SCN10A: variants seen among roughly 807,000 people sequenced by gnomAD.
SCN10A encodes sodium voltage-gated channel alpha subunit 10, also known as sodium channel protein type 10 subunit alpha.
In SCN10A, 162 loss-of-function variants were observed where a neutral mutation model predicts 170.7. That is an observed-to-expected ratio of 0.95 (90% CI 0.84 to 1.08). The LOEUF is 1.08. Ranked by LOEUF, SCN10A falls within the 50% of genes least tolerant of loss-of-function variation. The pLI, the probability that SCN10A is intolerant of heterozygous loss-of-function variation, is 0.00. For missense variants in SCN10A, 2,527 were observed against 2,436.9 expected (o/e 1.04, Z -0.78); for synonymous variants, 985 against 904.6 (o/e 1.09, Z -1.59).
chr3:38,707,571 G>A (rs1223444819), intron 25 of SCN10A, among the ~76,000 whole-genome samples, 188 bp from the exon 26 acceptor site: 1 of 152,158 alleles, frequency 6.6e-6, no homozygotes, highest in Admixed American at 6.5e-5. Flanking sequence ...TTCCATTGCT[G>A]ACTCCCTGCC....
At chr3:38,767,457 A>G (rs750822746) in intron 5 of SCN10A, among the ~76,000 whole-genome samples, 7 of 152,002 alleles carry the variant, frequency 4.6e-5, no homozygotes, top group Non-Finnish European at 1.0e-4. Flanking sequence ...CATTCAGTTC[A>G]AAAAATTTTT....
At chr3:38,720,539 AT>A (rs1470854730) in intron 20 of SCN10A, among the ~76,000 whole-genome samples, 1 of 152,028 alleles carries the variant, frequency 6.6e-6, no homozygotes, top group Non-Finnish European at 1.5e-5. Flanking sequence ...AATGCATGTT[AT>A]TTTTAAAAGG....
intron 11 of SCN10A, among the ~76,000 whole-genome samples, chr3:38,755,289 G>GA (rs766168331): frequency 2.3e-4 from 34 of 147,138 alleles, no homozygotes; most frequent in South Asian, 4.3e-4. Context: ...CGACGCATCA[G>GA]AAAAAAAAAA....
chr3:38,727,252 T>C (rs1403261722), intron 16 of SCN10A, among the ~76,000 whole-genome samples, 200 bp from the exon 17 acceptor site: 2 of 152,170 alleles, frequency 1.3e-5, no homozygotes, highest in Non-Finnish European at 2.9e-5. Flanking sequence ...GTGACCCGCC[T>C]CAGTGGACGA....
rs1440527140 is a variant in SCN10A, at chr3:38,793,828, G to T, written c.183C>A (p.Asn61Lys). ...GCTCACCATAGAACTTGGGCAGCTG[G>T]TTGCAGGCTTTCAAGTCCAGCTGGG... ...PRPQLDLKAC[N>K]QLPKFYGELP... is the part of the protein sequence containing the mutation. The change falls in exon 2 of 28, where the codon AAC (asparagine) becomes AAA (lysine). Residue 61 changes from asparagine to lysine, a missense_variant. Transcript: ENST00000449082. The T allele has an allele frequency of 6.2e-7, 1 of 1,614,018 alleles. No homozygotes were observed. The highest frequency in any genetic ancestry group is 1.7e-5 in the Admixed American group (1 of 59,996).
At chr3:38,701,430 C>T (rs2063154885) in intron 27 of SCN10A, among the ~76,000 whole-genome samples, 1 of 152,212 alleles carries the variant, frequency 6.6e-6, no homozygotes, top group Non-Finnish European at 1.5e-5. Context: ...ATCTCCTTTT[C>T]CAGAACAGAT....
chr3:38,764,210 A>C (rs192219936), intron 5 of SCN10A, among the ~76,000 whole-genome samples: 1 of 152,318 alleles, frequency 6.6e-6, no homozygotes, highest in Admixed American at 6.5e-5. Flanking sequence ...TTTTGGTTAC[A>C]TGAATAAGTT....
intron 11 of SCN10A, among the ~76,000 whole-genome samples, chr3:38,755,222 A>T (rs1262494439): frequency 6.6e-6 from 1 of 152,074 alleles, no homozygotes; most frequent in Admixed American, 6.5e-5. Flanking sequence ...CCCAATAATT[A>T]TATAAAATTG....
In SCN10A at chr3:38,788,942, G is replaced by A. The variant is rs1483853196; in HGVS notation, c.470+14C>T. 2 of 1,514,784 alleles carry A rather than the reference G, an allele frequency of 1.3e-6. No homozygotes were observed. The highest frequency in any genetic ancestry group is 1.8e-6 in the Non-Finnish European group (2 of 1,089,946). 93.8% of individuals were successfully genotyped at this position (1,514,784 alleles called of 1,614,324 possible). On this transcript the variant is annotated intron_variant, in intron 4 of 27. Transcript: ENST00000449082. ...AAAAAGAGATGGTACAATAATGATA[G>A]CAAATCTACTCACTCAATTTTCTCT... is the stretch of plus-strand genomic sequence containing the variant.
intron 10 of SCN10A, 91 bp from the exon 11 acceptor site, chr3:38,756,049 G>T (rs1451030330): frequency 1.6e-5 from 22 of 1,395,824 alleles, no homozygotes; most frequent in Non-Finnish European, 1.9e-5. Flanking sequence ...AGGGGTGAGA[G>T]ATCTGAAACA....
chr3:38,710,362 G>A (rs991393295), intron 24 of SCN10A, among the ~76,000 whole-genome samples: 7 of 152,114 alleles, frequency 4.6e-5, no homozygotes, highest in East Asian at 3.9e-4. Context: ...GGGTTTCACC[G>A]TATTGCCCAG....
chr3:38,720,644 G>A (rs559279810), intron 20 of SCN10A, among the ~76,000 whole-genome samples: 1 of 152,206 alleles, frequency 6.6e-6, no homozygotes, highest in African/African-American at 2.4e-5. Context: ...GCTGCAGGGG[G>A]CGGGCTGGGC....
intron 15 of SCN10A, among the ~76,000 whole-genome samples, chr3:38,736,750 G>A (rs529449733): frequency 6.6e-6 from 1 of 151,956 alleles, no homozygotes; most frequent in Non-Finnish European, 1.5e-5. Flanking sequence ...TAGTTGGTGG[G>A]TGTGGTTAGG....
At chr3:38,795,630 T>C (rs1326645800) in intron 1 of SCN10A, among the ~76,000 whole-genome samples, 1 of 152,162 alleles carries the variant, frequency 6.6e-6, no homozygotes, top group East Asian at 1.9e-4. Flanking sequence ...ATATTTTGGC[T>C]ACCATGACAC....
At chr3:38,757,880 T>A (rs2063826887) in intron 8 of SCN10A, among the ~76,000 whole-genome samples, 1 of 152,138 alleles carries the variant, frequency 6.6e-6, no homozygotes, top group Admixed American at 6.5e-5. Context: ...AACTCCTTCC[T>A]CTCTCTCATA....
At chr3:38,743,110 C>T (rs2063651942) in intron 13 of SCN10A, among the ~76,000 whole-genome samples, 2 of 152,158 alleles carry the variant, frequency 1.3e-5, no homozygotes, top group African/African-American at 4.8e-5. Flanking sequence ...CTTCCTCTTC[C>T]CCCGTCTAAC....
intron 4 of SCN10A, among the ~76,000 whole-genome samples, chr3:38,786,104 T>C (rs1177538319): frequency 1.3e-5 from 2 of 152,124 alleles, no homozygotes; most frequent in Non-Finnish European, 2.9e-5. Flanking sequence ...GAAACACCAT[T>C]TGACCCAGCA....
chr3:38,702,614 G>A (rs943290835), intron 26 of SCN10A, among the ~76,000 whole-genome samples: 4 of 152,210 alleles, frequency 2.6e-5, no homozygotes, highest in Non-Finnish European at 5.9e-5. Flanking sequence ...TCCCTGCAGT[G>A]CCCTGCACAT....
At chr3:38,753,463 C>A (rs538902148) in intron 11 of SCN10A, among the ~76,000 whole-genome samples, 1 of 152,240 alleles carries the variant, frequency 6.6e-6, no homozygotes, top group African/African-American at 2.4e-5. Context: ...GAGAATCTTG[C>A]CAATTGGGGT....
Sources: allele counts gnomAD v4.1 joint callset (sites outside exome capture counted in the v4.1 genomes callset), GRCh38; gene constraint gnomAD v4.1.1; transcripts MANE v1.5; gene names NCBI Gene and HGNC (gene_info 2026-07-23, HGNC 2026-07-21).